ULK4: variants seen among roughly 807,000 people sequenced by gnomAD.
ULK4 encodes the protein inactive serine/threonine-protein kinase ULK4.
A neutral mutation model predicts 160.6 loss-of-function variants in ULK4; 133 were observed. That is an observed-to-expected ratio of 0.83 (90% CI 0.72 to 0.96). The LOEUF is 0.96. Ranked by LOEUF, ULK4 falls within the 40% of genes least tolerant of loss-of-function variation. The pLI is 0.00. For missense variants in ULK4, 1,580 were observed against 1,499.5 expected, an observed-to-expected ratio of 1.05 and a Z score of -0.89; for synonymous variants, 534 against 539.8, an observed-to-expected ratio of 0.99 and a Z score of 0.15.
chr3:41,352,933 C>G (rs185721471), intron 35 of ULK4, among the ~76,000 whole-genome samples: 1 of 152,280 alleles, frequency 6.6e-6, no homozygotes, highest in East Asian at 1.9e-4. Flanking sequence ...GAGAGCAGTA[C>G]CATCTTCCAC....
At chr3:41,754,899 A>C (rs563414867) in intron 21 of ULK4, among the ~76,000 whole-genome samples, 1 of 152,332 alleles carries the variant, frequency 6.6e-6, no homozygotes, top group African/African-American at 2.4e-5. Flanking sequence ...GAAGAGCTGC[A>C]TATAGAGAGA....
intron 21 of ULK4, among the ~76,000 whole-genome samples, chr3:41,756,036 G>A (rs1210697236): frequency 6.6e-6 from 1 of 152,110 alleles, no homozygotes; most frequent in Non-Finnish European, 1.5e-5. Flanking sequence ...AGTAAACATA[G>A]CAAACTGTTA....
chr3:41,852,232 G>A (rs2042234200), intron 17 of ULK4, among the ~76,000 whole-genome samples: 5 of 152,160 alleles, frequency 3.3e-5, no homozygotes, highest in Admixed American at 3.3e-4. Context: ...CTCTGAAATT[G>A]AGGCAATAAT....
At chr3:41,407,908 C>G (rs2082326196) in intron 34 of ULK4, among the ~76,000 whole-genome samples, 1 of 151,982 alleles carries the variant, frequency 6.6e-6, no homozygotes, top group Non-Finnish European at 1.5e-5. Context: ...ACTCTATTTG[C>G]AGAAGATATA....
chr3:41,733,623 T>C (rs953978747), intron 22 of ULK4, among the ~76,000 whole-genome samples: 4 of 151,948 alleles, frequency 2.6e-5, no homozygotes, highest in South Asian at 4.1e-4. Flanking sequence ...TAAAAGTTTA[T>C]ATAATTACCA....
At chr3:41,767,373 CTTT>C (rs146816425) in intron 21 of ULK4, among the ~76,000 whole-genome samples, 3,986 of 152,042 alleles carry the variant, frequency 0.026, 116 homozygotes, top group Non-Finnish European at 0.033. Context: ...ATACTTTTTG[CTTT>C]TTTAATAAAA....
intron 19 of ULK4, among the ~76,000 whole-genome samples, chr3:41,808,276 C>T (rs1005846907): frequency 6.6e-6 from 1 of 152,144 alleles, no homozygotes; most frequent in African/African-American, 2.4e-5. Flanking sequence ...TTTATAGAAG[C>T]CTTCTCAAAT....
At chr3:41,734,155 A>G (rs2037937987) in intron 22 of ULK4, among the ~76,000 whole-genome samples, 1 of 152,140 alleles carries the variant, frequency 6.6e-6, no homozygotes, top group African/African-American at 2.4e-5. Flanking sequence ...AGCAAATAAG[A>G]GATGCTATTG....
At position 41,833,296 on chromosome 3, in the gene ULK4, T is replaced by TTG. The variant is rs1329242832; in HGVS notation, c.1764+2567_1764+2568insCA. Among the ~76,000 whole-genome samples the TTG allele has an allele frequency of 3.5e-4, 51 of 146,290 alleles. 1 individual carries two copies. Among genetic ancestry groups the TTG allele is most frequent in the South Asian group, 6.6e-4 (3 of 4,512 alleles). On this transcript the variant is annotated intron_variant, in intron 18 of 36. Transcript: ENST00000301831. ...GTTGTTTTTTTTTTTGTTTTTTTTT[T>TTG]TTTTGTTTGTTTGTTTTGAGATGCC...
At chr3:41,495,010 G>A (rs1339528812) in intron 32 of ULK4, among the ~76,000 whole-genome samples, 1 of 151,932 alleles carries the variant, frequency 6.6e-6, no homozygotes, top group Non-Finnish European at 1.5e-5. Context: ...ACTGCCCAAG[G>A]TAATTTATAG....
intron 31 of ULK4, among the ~76,000 whole-genome samples, chr3:41,566,954 C>G (rs571104671): frequency 6.1e-4 from 93 of 152,298 alleles, no homozygotes; most frequent in African/African-American, 2.0e-3. Context: ...GTACTCCTCA[C>G]TCTCAGGTTC....
chr3:41,536,353 A>G (rs1443878005), intron 32 of ULK4, among the ~76,000 whole-genome samples: 1 of 135,994 alleles, frequency 7.4e-6, no homozygotes, highest in Non-Finnish European at 1.6e-5. Context: ...TTCTGTTACT[A>G]GACTAGGAAC....
chr3:41,883,577 A>G (rs530566528), intron 17 of ULK4, among the ~76,000 whole-genome samples: 21 of 152,380 alleles, frequency 1.4e-4, no homozygotes, highest in African/African-American at 5.0e-4. Context: ...AGTCTGTTGG[A>G]CAGACTATAA....
chr3:41,840,982 C>T (rs966461840), intron 17 of ULK4, among the ~76,000 whole-genome samples: 1 of 150,102 alleles, frequency 6.7e-6, no homozygotes, highest in Non-Finnish European at 1.5e-5. Context: ...CTCTGCCCTG[C>T]TACCACCCCG....
intron 32 of ULK4, among the ~76,000 whole-genome samples, chr3:41,526,980 A>G (rs2086141044): frequency 6.6e-6 from 1 of 152,248 alleles, no homozygotes; most frequent in Admixed American, 6.5e-5. Context: ...TTGTTTACCA[A>G]GGAAGCTACC....
chr3:41,624,558 TAA>T (rs1406588177), intron 30 of ULK4, among the ~76,000 whole-genome samples: 3 of 152,180 alleles, frequency 2.0e-5, no homozygotes, highest in Non-Finnish European at 2.9e-5. Flanking sequence ...CTATAAATGC[TAA>T]CATTCCATTC....
intron 22 of ULK4, among the ~76,000 whole-genome samples, chr3:41,726,742 C>T (rs1367874362): frequency 6.6e-6 from 1 of 152,152 alleles, no homozygotes; most frequent in Non-Finnish European, 1.5e-5. Flanking sequence ...CACCTTGTAG[C>T]TCTGATTACA....
At position 41,709,859 on chromosome 3, in the gene ULK4, C is replaced by T. The variant is rs944205604; in HGVS notation, c.2635-4554G>A. 1.7e-4 allele frequency among the ~76,000 whole-genome samples: 26 copies of T among 152,206 alleles called. No homozygotes were observed. The East Asian group carries it at 2.9e-3, about 17-fold the overall frequency. On this transcript the variant is annotated intron_variant, in intron 25 of 36. Coordinates refer to ENST00000301831, the MANE Select transcript of ULK4 (RefSeq NM_017886.4). ...TTAAACACATGTACGTAAATGTCTA[C>T]GGATTACTAAGTAAAGAAGACACAG...
chr3:41,399,442 C>T (rs2082131024), intron 34 of ULK4, among the ~76,000 whole-genome samples: 1 of 152,036 alleles, frequency 6.6e-6, no homozygotes, highest in South Asian at 2.1e-4. Flanking sequence ...TTCCTTTCTG[C>T]AAGTTGTCTT....
Sources: gnomAD v4.1 joint callset for allele counts (sites outside exome capture counted in the v4.1 genomes callset) on GRCh38, gnomAD v4.1.1 for gene constraint, MANE v1.5 for transcripts, NCBI Gene and HGNC (gene_info 2026-07-23, HGNC 2026-07-21) for gene names.